Variants in RAF1 observed in about 807,000 individuals in gnomAD.
RAF1 encodes the protein RAF proto-oncogene serine/threonine-protein kinase.
Under a neutral mutation model 81.1 loss-of-function variants are expected in RAF1, and 27 were observed. The ratio of observed to expected loss-of-function variants is 0.33; its 90% confidence interval spans 0.25 to 0.46. The LOEUF (loss-of-function observed/expected upper bound fraction) is 0.46, where lower values mean the gene tolerates loss of function less well. Ranked by LOEUF, RAF1 falls within the 20% of genes least tolerant of loss-of-function variation. The pLI, the probability that RAF1 is intolerant of heterozygous loss-of-function variation, is 1.00. For synonymous variants in RAF1, 298 were observed against 294.0 expected (o/e 1.01, Z -0.14); for missense variants, 598 against 826.0 (o/e 0.72, Z 3.38).
intron 15 of RAF1, 64 bp from the exon 15 acceptor site, chr3:12,585,317 A>G (rs2058296821): frequency 6.2e-7 from 1 of 1,607,386 alleles, no homozygotes; most frequent in Non-Finnish European, 8.5e-7. Context: ...ACAGACATCT[A>G]GGGGCCAGGC....
chr3:12,652,842 G>A (rs1022993564), intron 1 of RAF1, among the ~76,000 whole-genome samples: 2 of 151,848 alleles, frequency 1.3e-5, no homozygotes, highest in African/African-American at 4.8e-5. Flanking sequence ...TGAGGCAGGA[G>A]AATCACTTGA....
At chr3:12,594,149 C>G (rs2058614470) in intron 11 of RAF1, among the ~76,000 whole-genome samples, 2 of 152,040 alleles carry the variant, frequency 1.3e-5, no homozygotes, top group Admixed American at 1.3e-4. Context: ...GCTGCAATAG[C>G]TCAGGAAAGG....
At position 12,600,288 on chromosome 3, in the gene RAF1, A is replaced by G. The variant is rs749545238; in HGVS notation, c.923-9T>C. ...CAGGGCTGAAGGTGAGGCTTAATAG[A>G]CAAGACAAACAGAAGCCACACAAGG... On this transcript the variant is annotated splice_polypyrimidine_tract_variant and intron_variant, in intron 9 of 17. Transcript: ENST00000442415. 2 of 1,614,222 alleles carry G rather than the reference A, an allele frequency of 1.2e-6. No homozygotes were observed. Among genetic ancestry groups the G allele is most frequent in the South Asian group, 2.2e-5 (2 of 91,080 alleles).
Position 12,585,773 on chromosome 3 carries a change from C to CTGTT in RAF1, c.1500_1503dup (p.Val502AsnfsTer23). ...GCCAAACCAAAATCTCCAATTTTCACTGTTAAGCCTTCATGGAGAAATATA... is the reference window on the plus strand; with the variant it reads ...GCCAAACCAAAATCTCCAATTTTCACTGTTTGTTAAGCCTTCATGGAGAAATATA... On this transcript the variant is annotated frameshift_variant, in exon 15 of 18. Coordinates refer to ENST00000442415, the MANE Select transcript of RAF1 (RefSeq NM_001354689.3). LOFTEE classifies it high-confidence loss of function. 6.2e-7 allele frequency: 1 copy of CTGTT among 1,613,590 alleles called. No individual in the cohort carries two copies.
Position 12,618,656 on chromosome 3 carries a change from A to C in RAF1, c.66T>G (p.Phe22Leu), listed in dbSNP as rs397516824. The C allele has an allele frequency of 1.2e-4, 199 of 1,614,116 alleles. 1 individual carries two copies. The highest frequency in any genetic ancestry group is 1.7e-4 in the Non-Finnish European group (196 of 1,180,052). The change falls in exon 2 of 18, where the codon TTT becomes TTG. Residue 22 changes from phenylalanine (F) to leucine (L), a missense_variant. Around this residue, in one of 5 missense-constraint regions of RAF1, gnomAD observed 83 missense variants for 72.3 expected, o/e 1.15. Coordinates refer to ENST00000442415, the MANE Select transcript of RAF1 (RefSeq NM_001354689.3). ...TAGGAGAGATGCAGCTGGAGCCATC[A>C]AACACGGCATCTTTGAATCCAAAAC...
At chr3:12,618,441 A>C in intron 2 of RAF1, 74 bp downstream of exon 2, 1 of 1,504,394 alleles carries the variant, frequency 6.6e-7, no homozygotes, top group Non-Finnish European at 9.2e-7. Context: ...GCCTGTCTTT[A>C]AGTTGAACAT....
rs528575594 is a variant in RAF1, at chr3:12,659,491, T to C, written c.-27+4322A>G. On this transcript the variant is annotated intron_variant, in intron 1 of 17. Coordinates refer to ENST00000442415, the MANE Select transcript of RAF1 (RefSeq NM_001354689.3). ...CCCTATACCAAAAGTACCAACTGAATTGCAACACAAATATCTAGTATTACA... is the reference window on the plus strand; with the variant it reads ...CCCTATACCAAAAGTACCAACTGAACTGCAACACAAATATCTAGTATTACA... 4.1e-5 allele frequency among the ~76,000 whole-genome samples: 6 copies of C among 145,472 alleles called. No homozygotes were observed. In the East Asian group the frequency reaches 6.0e-4, roughly 15 times the overall value.
chr3:12,611,827 A>T (rs2059219128), intron 3 of RAF1, 123 bp downstream of exon 3: 1 of 767,324 alleles, frequency 1.3e-6, no homozygotes, highest in East Asian at 2.5e-5. Context: ...TCTCTTTATA[A>T]AGAAAGGTAT....
At chr3:12,590,096 A>G (rs1389236507) in intron 13 of RAF1, 2 of 144,538 alleles carry the variant, frequency 1.4e-5, no homozygotes, top group Non-Finnish European at 3.1e-5. Context: ...GCCAGGAAAA[A>G]GTTTTTAATT....
chr3:12,626,545 C>T (rs2059708192), intron 1 of RAF1, among the ~76,000 whole-genome samples: 1 of 150,428 alleles, frequency 6.6e-6, no homozygotes, highest in Non-Finnish European at 1.5e-5. Flanking sequence ...GTGCCACGAT[C>T]ACACAACTGC....
chr3:12,657,000 GGAAAA>G (rs2060715799), intron 1 of RAF1, among the ~76,000 whole-genome samples: 1 of 138,964 alleles, frequency 7.2e-6, no homozygotes. Context: ...TCCATCTCGG[GGAAAA>G]AAAAAAAAAA....
chr3:12,600,409 T>A lies in RAF1; in HGVS notation c.901A>T (p.Ile301Phe). The change falls in exon 9 of 18, where the codon ATT becomes TTT. Residue 301 changes from isoleucine to phenylalanine, a missense_variant. Transcript: ENST00000442415. ...GTACCTGATTCGCTGTGACTTCGAA[T>A]TGCATCCTGAAACAGAAAAGGAAAG... The A allele has an allele frequency of 1.2e-6, 2 of 1,614,102 alleles. No individual in the cohort carries two copies. Among genetic ancestry groups the A allele is most frequent in the Middle Eastern group, 1.6e-4 (1 of 6,062 alleles).
At position 12,591,695 on chromosome 3, in the gene RAF1, G is replaced by A. The variant is rs1405876020; in HGVS notation, c.1253+13C>T. 1 of 1,611,704 alleles carries A rather than the reference G, an allele frequency of 6.2e-7. No homozygotes were observed. On this transcript the variant is annotated intron_variant, in intron 12 of 17. Coordinates refer to ENST00000442415, the MANE Select transcript of RAF1 (RefSeq NM_001354689.3). ...GCACTCCAGAGGGACTGGACCGCCA[G>A]CTTTCTACTCACCGCAGAACAGCCA...
At chr3:12,605,248 T>TTATA (rs1553613985) in intron 6 of RAF1, among the ~76,000 whole-genome samples, 1 of 111,654 alleles carries the variant, frequency 9.0e-6, no homozygotes, top group Non-Finnish European at 2.1e-5. Context: ...TGATTACACA[T>TTATA]TATGTGTGTG....
intron 1 of RAF1, among the ~76,000 whole-genome samples, chr3:12,643,878 G>A (rs1031415518): frequency 2.0e-5 from 3 of 152,084 alleles, no homozygotes; most frequent in African/African-American, 7.2e-5. Context: ...AGAATATAGG[G>A]TTGTGATAAA....
intron 1 of RAF1, among the ~76,000 whole-genome samples, chr3:12,655,880 A>T (rs2060674329): frequency 6.6e-6 from 1 of 152,070 alleles, no homozygotes; most frequent in South Asian, 2.1e-4. Flanking sequence ...GCAAATTCAT[A>T]GAGAGAAAGT....
intron 1 of RAF1, among the ~76,000 whole-genome samples, chr3:12,656,657 G>A (rs562245642): frequency 2.4e-4 from 36 of 152,284 alleles, no homozygotes; most frequent in African/African-American, 8.7e-4. Flanking sequence ...ATAGGCAAGA[G>A]TAAGACATGC....
At chr3:12,657,474 G>T (rs1277145537) in intron 1 of RAF1, among the ~76,000 whole-genome samples, 4 of 152,050 alleles carry the variant, frequency 2.6e-5, no homozygotes, top group Non-Finnish European at 1.5e-5. Context: ...TAATTCTTAA[G>T]AATTTCCAGG....
intron 1 of RAF1, 64 bp from the exon 2 acceptor site, chr3:12,618,811 A>C: frequency 8.1e-7 from 1 of 1,234,748 alleles, no homozygotes; most frequent in Non-Finnish European, 1.2e-6. Context: ...AACACAATAC[A>C]TAAAGAGTAA....
Sources: allele counts gnomAD v4.1 joint callset (sites outside exome capture counted in the v4.1 genomes callset), GRCh38; gene constraint gnomAD v4.1.1; regional missense constraint gnomAD v4.1.1; transcripts MANE v1.5; gene names NCBI Gene and HGNC (gene_info 2026-07-23, HGNC 2026-07-21).